The following DGLUCY variants were observed in gnomAD, a reference collection of about 807,000 sequenced individuals.
DGLUCY encodes the protein D-glutamate cyclase, mitochondrial.
A neutral mutation model predicts 58.5 loss-of-function variants in DGLUCY; 58 were observed. The ratio of observed to expected loss-of-function variants is 0.99; its 90% CI spans 0.80 to 1.23. The LOEUF (loss-of-function observed/expected upper bound fraction) is 1.23. DGLUCY is among the 50% of genes most tolerant of loss of function. The probability of loss-of-function intolerance (pLI) is 0.00; values close to 1 mark genes in which losing one functional copy is unlikely to be tolerated. For missense variants in DGLUCY, 779 were observed against 784.7 expected (o/e 0.99, Z 0.09); for synonymous variants, 325 against 314.1 (o/e 1.03, Z -0.37).
chr14:91,144,361 A>G (rs2046902191), intron 1 of DGLUCY, among the ~76,000 whole-genome samples: 1 of 152,150 alleles, frequency 6.6e-6, no homozygotes, highest in South Asian at 2.1e-4. Flanking sequence ...GGAGTTTGAG[A>G]CCGGCCTGAC....
intron 12 of DGLUCY, among the ~76,000 whole-genome samples, chr14:91,214,174 C>T (rs1886157624): frequency 1.3e-5 from 2 of 151,948 alleles, no homozygotes; most frequent in South Asian, 4.1e-4. Context: ...AGTGCCCCCT[C>T]TCCATGCTCC....
At chr14:91,153,374 G>T (rs542139698) in intron 1 of DGLUCY, among the ~76,000 whole-genome samples, 3 of 152,072 alleles carry the variant, frequency 2.0e-5, no homozygotes, top group East Asian at 1.9e-4. Flanking sequence ...GTAGAGACAG[G>T]GTTTCACCAT....
At chr14:91,107,116 T>C (rs1046739751), upstream of DGLUCY, among the ~76,000 whole-genome samples, 6 of 152,230 alleles carry the variant, frequency 3.9e-5, no homozygotes, top group African/African-American at 1.4e-4. Context: ...CAAATTTTTA[T>C]GTACAAGCGA....
chr14:91,116,478 A>G (rs1349657815), intron 1 of DGLUCY, among the ~76,000 whole-genome samples: 3 of 152,202 alleles, frequency 2.0e-5, no homozygotes, highest in South Asian at 2.1e-4. Context: ...GTGAAATTGT[A>G]AAAAGTTATG....
chr14:91,077,036 G>A (rs1367155788), intron 1 of DGLUCY, among the ~76,000 whole-genome samples: 2 of 152,102 alleles, frequency 1.3e-5, no homozygotes, highest in Non-Finnish European at 2.9e-5. Flanking sequence ...CTTGAGCCCA[G>A]GAGTAAGATC....
intron 13 of DGLUCY, chr14:91,220,541 G>A (rs1887304466): frequency 2.2e-6 from 1 of 456,240 alleles, no homozygotes; most frequent in Non-Finnish European, 4.4e-6. Flanking sequence ...AGCAGAAGGA[G>A]GTGAAGGCCA....
chr14:91,067,123 A>T (rs1473227593), intron 1 of DGLUCY, among the ~76,000 whole-genome samples: 2 of 151,310 alleles, frequency 1.3e-5, no homozygotes, highest in Non-Finnish European at 1.5e-5. Context: ...CATGTTGAGT[A>T]GATTGAGGAA....
intron 12 of DGLUCY, 95 bp downstream of exon 12, chr14:91,204,920 G>A (rs1443410825): frequency 1.3e-5 from 20 of 1,553,688 alleles, no homozygotes; most frequent in Non-Finnish European, 1.8e-5. Flanking sequence ...CTTCTCTGCA[G>A]TCAGTCCATA....
intron 1 of DGLUCY, among the ~76,000 whole-genome samples, chr14:91,115,831 T>A (rs1188943570): frequency 6.6e-6 from 1 of 152,198 alleles, no homozygotes; most frequent in Admixed American, 6.5e-5. Context: ...TTTGGAAAAT[T>A]TCACGCGTTG....
At chr14:91,072,744 A>T (rs1032522847) in intron 1 of DGLUCY, among the ~76,000 whole-genome samples, 1 of 152,036 alleles carries the variant, frequency 6.6e-6, no homozygotes, top group African/African-American at 2.4e-5. Context: ...AGTCATTGCC[A>T]GGTGCGGTGG....
chr14:91,219,797 G>GGT (rs1887157704), intron 13 of DGLUCY, among the ~76,000 whole-genome samples: 1 of 152,218 alleles, frequency 6.6e-6, no homozygotes. Context: ...ACTTTACAGG[G>GGT]GTACCTGCAA....
intron 1 of DGLUCY, among the ~76,000 whole-genome samples, chr14:91,099,081 T>C (rs138399908): frequency 2.6e-5 from 4 of 152,176 alleles, no homozygotes; most frequent in Admixed American, 6.5e-5. Context: ...TGAGAGAAGA[T>C]GAAGAGCCGA....
At chr14:91,209,754 A>G (rs1343524699) in intron 12 of DGLUCY, among the ~76,000 whole-genome samples, 1 of 152,134 alleles carries the variant, frequency 6.6e-6, no homozygotes, top group African/African-American at 2.4e-5. Context: ...ACAAACCAAG[A>G]TTGAGCTATA....
intron 13 of DGLUCY, among the ~76,000 whole-genome samples, chr14:91,223,210 C>T (rs1408790498): frequency 6.6e-6 from 1 of 152,166 alleles, no homozygotes; most frequent in Non-Finnish European, 1.5e-5. Flanking sequence ...ACTATGACTA[C>T]CTGATTACTC....
intron 1 of DGLUCY, among the ~76,000 whole-genome samples, chr14:91,150,314 G>T (rs1315749564): frequency 6.6e-6 from 1 of 151,944 alleles, no homozygotes; most frequent in Non-Finnish European, 1.5e-5. Flanking sequence ...CTGTGGAGCT[G>T]GAACAGGGGC....
intron 1 of DGLUCY, among the ~76,000 whole-genome samples, chr14:91,118,158 G>A (rs2045113700): frequency 7.2e-6 from 1 of 139,260 alleles, no homozygotes; most frequent in Non-Finnish European, 1.5e-5. Context: ...TTGGCTCACT[G>A]CACCCTCCAC....
intron 1 of DGLUCY, among the ~76,000 whole-genome samples, chr14:91,152,983 G>A (rs1300094497): frequency 6.6e-6 from 1 of 152,110 alleles, no homozygotes; most frequent in African/African-American, 2.4e-5. Context: ...GGGATAAACT[G>A]GAAGAAGGAG....
intron 5 of DGLUCY, among the ~76,000 whole-genome samples, chr14:91,171,353 A>G (rs1333562409): frequency 6.6e-6 from 1 of 152,218 alleles, no homozygotes; most frequent in Admixed American, 6.5e-5. Context: ...ACAAAGGTGC[A>G]AGTAAGTGTC....
At chr14:91,152,566 G>A (rs1245977433) in intron 1 of DGLUCY, among the ~76,000 whole-genome samples, 1 of 152,112 alleles carries the variant, frequency 6.6e-6, no homozygotes, top group Non-Finnish European at 1.5e-5. Flanking sequence ...TGATTATACA[G>A]TTAGGATGCC....
Sources: gnomAD v4.1 joint callset for allele counts (sites outside exome capture counted in the v4.1 genomes callset) on GRCh38, gnomAD v4.1.1 for gene constraint, MANE v1.5 for transcripts, NCBI Gene and HGNC (gene_info 2026-07-23, HGNC 2026-07-21) for gene names.